FGD5: variants seen among roughly 807,000 people sequenced by gnomAD.
The protein encoded by FGD5 is FYVE, RhoGEF and PH domain containing 5.
Under a neutral mutation model 133.4 loss-of-function variants are expected in FGD5, and 28 were observed. The observed-to-expected ratio is 0.21, with a 90% CI of 0.16 to 0.29. FGD5 has a LOEUF of 0.29. FGD5 is among the 10% of genes least tolerant of loss of function. The pLI is 1.00. For missense variants in FGD5, 1,858 were observed against 1,895.2 expected (o/e 0.98, Z 0.36); for synonymous variants, 810 against 776.5 (o/e 1.04, Z -0.72).
chr3:14,863,180 G>GGT, intron 1 of FGD5, among the ~76,000 whole-genome samples: 1 of 152,206 alleles, frequency 6.6e-6, no homozygotes, highest in East Asian at 1.9e-4. Context: ...AGGAGTATTT[G>GGT]GTAAGGATTT....
At chr3:14,824,562 C>G (rs1032814861) in intron 1 of FGD5, among the ~76,000 whole-genome samples, 1 of 152,190 alleles carries the variant, frequency 6.6e-6, no homozygotes, top group African/African-American at 2.4e-5. Flanking sequence ...GCCTAAGGTC[C>G]CAACACTTGT....
At chr3:14,851,158 C>G (rs1325422394) in intron 1 of FGD5, among the ~76,000 whole-genome samples, 1 of 62,234 alleles carries the variant, frequency 1.6e-5, no homozygotes, top group African/African-American at 6.6e-5. Flanking sequence ...CTGTTGAATT[C>G]AGACTGCCTG....
intron 1 of FGD5, among the ~76,000 whole-genome samples, chr3:14,830,551 T>G (rs905208043): frequency 6.6e-6 from 1 of 152,216 alleles, no homozygotes; most frequent in Non-Finnish European, 1.5e-5. Flanking sequence ...AAATCAGGGT[T>G]TCTCCCCGTA....
rs539307983 is a variant in FGD5 at position 14,917,610 on chromosome 3, G to A, written c.3489+278G>A. Reference sequence around the variant, plus strand: ...AGGGGCATCCTATGAGGAGGAAAATGCATAAGGAAGGGCCTGGGTTGGGGG... The same window carrying A: ...AGGGGCATCCTATGAGGAGGAAAATACATAAGGAAGGGCCTGGGTTGGGGG... On this transcript the variant is annotated intron_variant, in intron 12 of 19. Transcript: ENST00000285046. This position sits in a 1 kb window ranked among gnomAD's most constrained non-coding sequence, Gnocchi z 4.1. Among the ~76,000 whole-genome samples the A allele has an allele frequency of 3.3e-5, 5 of 152,142 alleles. No homozygotes were observed. The highest frequency in any genetic ancestry group is 4.4e-5 in the Non-Finnish European group (3 of 68,026).
chr3:14,851,932 A>AT (rs2037172393), intron 1 of FGD5, among the ~76,000 whole-genome samples: 1 of 152,008 alleles, frequency 6.6e-6, no homozygotes, highest in Admixed American at 6.5e-5. Context: ...GATAAAAAAA[A>AT]AAAAGGCAGA....
At chr3:14,869,164 C>T (rs187159396) in intron 2 of FGD5, among the ~76,000 whole-genome samples, 18 of 152,176 alleles carry the variant, frequency 1.2e-4, no homozygotes, top group South Asian at 8.3e-4. Flanking sequence ...TGTGGTGGCA[C>T]GTGCCTGTAG....
intron 1 of FGD5, among the ~76,000 whole-genome samples, chr3:14,839,218 G>T (rs576345821): frequency 6.6e-6 from 1 of 152,290 alleles, no homozygotes; most frequent in South Asian, 2.1e-4. Context: ...GGAATTGGGG[G>T]AATTCATTTA....
chr3:14,922,332 G>C lies in FGD5; in HGVS notation c.3670-79G>C. The stretch of plus-strand genomic sequence containing the variant: ...ATCACACACCCTGCACAGAGACGCA[G>C]GGCAGGGCTCACTGGGCTCTGCATC... On this transcript the variant is annotated intron_variant, in intron 14 of 19. Transcript: ENST00000285046. This position sits in a 1 kb window ranked among gnomAD's most constrained non-coding sequence, Gnocchi z 4.1. 3 of 1,532,328 alleles carry C rather than the reference G, an allele frequency of 2.0e-6. No homozygotes were observed. The highest frequency in any genetic ancestry group is 1.8e-6 in the Non-Finnish European group (2 of 1,133,478). The allele number at this position is 1,532,328 out of a possible 1,614,324, so 94.9% of individuals were successfully genotyped here.
Position 14,907,532 on chromosome 3 carries a change from C to T in FGD5, c.3265-108C>T, listed in dbSNP as rs187639134. ...AGGTTGGATTTGGGGCAGGCCTTTCCGGGCTTCATTTTTGTCTGAAACAGA... is the reference window on the plus strand; with the variant it reads ...AGGTTGGATTTGGGGCAGGCCTTTCTGGGCTTCATTTTTGTCTGAAACAGA... On this transcript the variant is annotated intron_variant, in intron 9 of 19. Coordinates refer to ENST00000285046, the MANE Select transcript of FGD5 (RefSeq NM_152536.4). 605 of 1,028,012 alleles carry T rather than the reference C, an allele frequency of 5.9e-4. 1 individual carries two copies. In the African/African-American group the frequency reaches 7.5e-3, roughly 13 times the overall value. 63.7% of individuals were successfully genotyped at this position (1,028,012 alleles called of 1,614,324 possible).
rs374514223 is a variant in FGD5 at position 14,851,402 on chromosome 3, ACAGT to A, written c.2526-12722_2526-12719del. 1.9e-4 allele frequency among the ~76,000 whole-genome samples: 29 copies of A among 152,346 alleles called. No homozygotes were observed. In the East Asian group the frequency reaches 4.6e-3, roughly 24 times the overall value. ...TGGCAGAACTGGGTCTTGGCATCAGACAGTCAGGTCCCAAAATGTATGCCCTTTA... is the reference window on the plus strand; with the variant it reads ...TGGCAGAACTGGGTCTTGGCATCAGACAGGTCCCAAAATGTATGCCCTTTA... On this transcript the variant is annotated intron_variant, in intron 1 of 19. Transcript: ENST00000285046.
chr3:14,812,894 G>C (rs1559463711), intron 1 of FGD5, among the ~76,000 whole-genome samples: 1 of 152,276 alleles, frequency 6.6e-6, no homozygotes. Context: ...ATATGACTTG[G>C]TATTGCTTTT....
intron 1 of FGD5, among the ~76,000 whole-genome samples, chr3:14,850,015 C>T (rs1460761318): frequency 6.6e-6 from 1 of 152,226 alleles, no homozygotes; most frequent in African/African-American, 2.4e-5. Flanking sequence ...CTGGCAACTT[C>T]AGATGTGGTG....
At chr3:14,818,562 G>A (rs1348151033), upstream of FGD5, among the ~76,000 whole-genome samples, 1 of 152,174 alleles carries the variant, frequency 6.6e-6, no homozygotes, top group African/African-American at 2.4e-5. Flanking sequence ...TAAGCTCCAT[G>A]AGGGCAGCAG....
intron 13 of FGD5, among the ~76,000 whole-genome samples, chr3:14,921,688 G>C (rs768715088): frequency 1.6e-4 from 24 of 152,184 alleles, no homozygotes; most frequent in Non-Finnish European, 3.1e-4. Context: ...TGGGAGTTAG[G>C]GGAATATCAT....
Position 14,864,195 on chromosome 3 carries a change from G to A in FGD5, c.2593G>A (p.Asp865Asn). 1 of 1,614,012 alleles carries A rather than the reference G, an allele frequency of 6.2e-7. No individual in the cohort carries two copies. The highest frequency in any genetic ancestry group is 8.5e-7 in the Non-Finnish European group (1 of 1,179,896). Reference protein sequence around the residue: ...SAAPKEDLTSDEEQRSSEEED... With the variant: ...SAAPKEDLTSNEEQRSSEEED... The stretch of plus-strand genomic sequence containing the variant: ...AGCCCCCAAAGAGGACCTTACGTCG[G>A]ATGAAGAGCAGAGAAGCTCGGAGGA... Residue 865 changes from aspartate (D) to asparagine (N), a missense_variant, in exon 2 of 20, where the codon GAT becomes AAT. By Grantham distance (23) the Asp-to-Asn change is conservative. Around this residue, in one of 3 missense-constraint regions of FGD5, gnomAD observed 1,824 missense variants for 1,848.9 expected, o/e 0.99. Transcript: ENST00000285046.
intron 2 of FGD5, among the ~76,000 whole-genome samples, chr3:14,873,446 T>G (rs2037648873): frequency 6.6e-6 from 1 of 152,018 alleles, no homozygotes; most frequent in South Asian, 2.1e-4. Flanking sequence ...GGAGAAAAGT[T>G]TATAGGAGGC....
chr3:14,883,784 G>A (rs573886621), intron 4 of FGD5, among the ~76,000 whole-genome samples: 1 of 152,366 alleles, frequency 6.6e-6, no homozygotes, highest in Admixed American at 6.5e-5. Context: ...CTCCATGTAA[G>A]TATAATTTGC....
At chr3:14,866,101 C>T (rs1314838589) in intron 2 of FGD5, among the ~76,000 whole-genome samples, 1 of 152,142 alleles carries the variant, frequency 6.6e-6, no homozygotes, top group African/African-American at 2.4e-5. Flanking sequence ...TCCCCACCCG[C>T]CTTGTGATGT....
rs775371930 is a variant in FGD5, at chr3:14,819,936, G to A, written c.865G>A (p.Glu289Lys). The A allele has an allele frequency of 4.3e-5, 70 of 1,613,828 alleles. No individual in the cohort carries two copies. Among genetic ancestry groups the A allele is most frequent in the Non-Finnish European group, 5.5e-5 (65 of 1,179,890 alleles). Reference protein sequence around the residue: ...CEEATGVTGGEQVDLSEPPDH... With the variant: ...CEEATGVTGGKQVDLSEPPDH... ...AGAGGCCACGGGTGTCACAGGTGGG[G>A]AACAGGTTGACCTCAGTGAACCACC... Residue 289 changes from glutamate (E) to lysine (K), a missense_variant, in exon 1 of 20, where the codon GAA (glutamate) becomes AAA (lysine). Around this residue, in one of 3 missense-constraint regions of FGD5, gnomAD observed 1,824 missense variants for 1,848.9 expected, o/e 0.99. Transcript: ENST00000285046. This position sits in a 1 kb window ranked among gnomAD's most constrained non-coding sequence, Gnocchi z 4.1.
Sources: gnomAD v4.1 joint callset for allele counts (sites outside exome capture counted in the v4.1 genomes callset) on GRCh38, gnomAD v4.1.1 for gene constraint, gnomAD v4.1.1 regional missense constraint, Gnocchi (gnomAD v3.1) non-coding constraint, MANE v1.5 for transcripts, NCBI Gene and HGNC (gene_info 2026-07-23, HGNC 2026-07-21) for gene names.